GRIK5: variants seen among roughly 807,000 people sequenced by gnomAD.
The protein encoded by GRIK5 is glutamate receptor ionotropic, kainate 5.
In GRIK5, 43 loss-of-function variants were observed where a neutral mutation model predicts 97.4. The ratio of observed to expected loss-of-function variants is 0.44; its 90% CI spans 0.35 to 0.57. GRIK5 has a LOEUF of 0.57. GRIK5 is among the 20% of genes least tolerant of loss of function. The pLI, the probability that GRIK5 is intolerant of heterozygous loss-of-function variation, is 0.01. For synonymous variants in GRIK5, 580 were observed against 583.5 expected, an observed-to-expected ratio of 0.99 and a Z score of 0.09; for missense variants, 1,015 against 1,382.0, an observed-to-expected ratio of 0.73 and a Z score of 4.21.
rs2075997684 is a variant in GRIK5, at chr19:42,042,953, T to C, written c.1270-198A>G. 8 of 593,402 alleles carry C rather than the reference T, an allele frequency of 1.3e-5. No homozygotes were observed. In the East Asian group the frequency reaches 2.2e-4, roughly 17 times the overall value. 36.8% of individuals were successfully genotyped at this position (593,402 alleles called of 1,614,324 possible). ...AAGCCAGGGAAAAACACATGGGTAC[T>C]GCCAGTTCCTAGCAGATTGCAGGGA... On this transcript the variant is annotated intron_variant, in intron 11 of 19. Coordinates refer to ENST00000593562, the MANE Select transcript of GRIK5 (RefSeq NM_002088.5). This position sits in a 1 kb window ranked among gnomAD's most constrained non-coding sequence, Gnocchi z 6.9.
At chr19:42,032,240 TG>T (rs1183899884) in intron 12 of GRIK5, among the ~76,000 whole-genome samples, 1 of 152,270 alleles carries the variant, frequency 6.6e-6, no homozygotes, top group Non-Finnish European at 1.5e-5. Context: ...ATTACTACTA[TG>T]CAGCCAAGTA....
rs370492038 is a variant in GRIK5 at position 42,022,492 on chromosome 19, G to T, written c.1474-138C>A. On this transcript the variant is annotated intron_variant, in intron 12 of 19. Transcript: ENST00000593562. The surrounding 1 kb of genome is among the most constrained non-coding windows in gnomAD (Gnocchi z 4.2). ...AGGTAGGGAGGGGGAGGGGCCAGGAGCATGGACTGACTCCAGGAGCCCACC... is the reference window on the plus strand; with the variant it reads ...AGGTAGGGAGGGGGAGGGGCCAGGATCATGGACTGACTCCAGGAGCCCACC... 2.9e-5 allele frequency: 42 copies of T among 1,468,352 alleles called. No homozygotes were observed. The South Asian group carries it at 3.2e-4, about 11-fold the overall frequency. The allele number at this position is 1,468,352 out of a possible 1,614,324, so 91.0% of individuals were successfully genotyped here.
Position 42,065,119 on chromosome 19 carries a change from G to C in GRIK5, c.244+104C>G, listed in dbSNP as rs1415016547. 1 of 952,794 alleles carries C rather than the reference G, an allele frequency of 1.0e-6. No individual in the cohort carries two copies. Among genetic ancestry groups the C allele is most frequent in the Non-Finnish European group, 1.6e-6 (1 of 634,570 alleles). 59.0% of individuals were successfully genotyped at this position (952,794 alleles called of 1,614,324 possible). A position where few individuals can be genotyped will look rare whatever the true frequency, so the allele number is the denominator to read the frequency against. ...ACAAACACAAAGAAGGGGGAGGATG[G>C]AGCTAGAAGAGGACAAGGCCAGGCC... On this transcript the variant is annotated intron_variant, in intron 3 of 19. Coordinates refer to ENST00000593562, the MANE Select transcript of GRIK5 (RefSeq NM_002088.5). The surrounding 1 kb of genome is among the most constrained non-coding windows in gnomAD (Gnocchi z 5.8).
Position 42,065,621 on chromosome 19 carries a change from C to A in GRIK5, c.79+71G>T. 1 of 1,275,452 alleles carries A rather than the reference C, an allele frequency of 7.8e-7. No individual in the cohort carries two copies. The highest frequency in any genetic ancestry group is 1.1e-6 in the Non-Finnish European group (1 of 917,342). The allele number at this position is 1,275,452 out of a possible 1,614,324, so 79.0% of individuals were successfully genotyped here. Reference sequence around the variant, plus strand: ...GAGCTGAGACCTGGACCCTGACGGACTGGCATGCCTGGGTCCCCAGAGGAG... The same window carrying A: ...GAGCTGAGACCTGGACCCTGACGGAATGGCATGCCTGGGTCCCCAGAGGAG... On this transcript the variant is annotated intron_variant, in intron 2 of 19. Transcript: ENST00000593562. The surrounding 1 kb of genome is among the most constrained non-coding windows in gnomAD (Gnocchi z 5.8).
At position 42,006,737 on chromosome 19, in the gene GRIK5, C is replaced by T. The variant is rs148567057; in HGVS notation, c.1945G>A (p.Glu649Lys). The T allele has an allele frequency of 6.8e-6, 11 of 1,613,912 alleles. No individual in the cohort carries two copies. Among genetic ancestry groups the T allele is most frequent in the Non-Finnish European group, 9.3e-6 (11 of 1,179,930 alleles). Residue 649 changes from glutamate to lysine, a missense_variant, in exon 16 of 20, where the codon GAG becomes AAG. Around this residue, in one of 5 missense-constraint regions of GRIK5, gnomAD observed 477 missense variants for 701.1 expected, o/e 0.68. Transcript: ENST00000593562. This position sits in a 1 kb window ranked among gnomAD's most constrained non-coding sequence, Gnocchi z 5.3. Reference sequence around the variant, plus strand: ...TCATCGGCCGACTCCACAGGCACCTCCATGCGCTGCACGGTGAGGAAGGCG... The same window carrying T: ...TCATCGGCCGACTCCACAGGCACCTTCATGCGCTGCACGGTGAGGAAGGCG... The part of the protein sequence containing the change: ...LAAFLTVQRM[E>K]VPVESADDLA...
chr19:42,022,200 C>T lies in GRIK5; in HGVS notation c.1587+41G>A. 3 of 1,526,770 alleles carry T rather than the reference C, an allele frequency of 2.0e-6. No individual in the cohort carries two copies. Among genetic ancestry groups the T allele is most frequent in the Non-Finnish European group, 2.7e-6 (3 of 1,101,122 alleles). The allele number at this position is 1,526,770 out of a possible 1,614,324, so 94.6% of individuals were successfully genotyped here. On this transcript the variant is annotated intron_variant, in intron 13 of 19. Coordinates refer to ENST00000593562, the MANE Select transcript of GRIK5 (RefSeq NM_002088.5). The surrounding 1 kb of genome is among the most constrained non-coding windows in gnomAD (Gnocchi z 4.2). ...CTCCCACTCGCAGGCCCTGAGCCTC[C>T]ATGCCAGGCAAGCAGCCCATGGTCT...
intron 3 of GRIK5, among the ~76,000 whole-genome samples, 175 bp from the exon 4 acceptor site, chr19:42,063,030 A>G (rs2076282218): frequency 6.6e-6 from 1 of 152,194 alleles, no homozygotes; most frequent in Non-Finnish European, 1.5e-5. Context: ...ACAAGTGAAC[A>G]TGAGGGGGCA....
chr19:42,047,550 G>A (rs925749937), intron 11 of GRIK5, among the ~76,000 whole-genome samples: 1 of 152,056 alleles, frequency 6.6e-6, no homozygotes, highest in Non-Finnish European at 1.5e-5. Context: ...ACAGACAATA[G>A]AATGGAGTGT....
chr19:42,062,644 T>C lies in GRIK5; in HGVS notation c.352A>G (p.Ile118Val), dbSNP rs746972825. 3.7e-6 allele frequency: 6 copies of C among 1,614,092 alleles called. No homozygotes were observed. The South Asian group carries it at 5.5e-5, about 15-fold the overall frequency. ...GGTGTCTCCTCGGGACCCACCTTGATGTGGGGGATCTGGACAGAGAGGAAA... is the reference window on the plus strand; with the variant it reads ...GGTGTCTCCTCGGGACCCACCTTGACGTGGGGGATCTGGACAGAGAGGAAA... ...HICGEKEIPH[I>V]KVGPEETPRL... Residue 118 changes from isoleucine to valine, a missense_variant, in exon 5 of 20, where the codon ATC (isoleucine) becomes GTC (valine). By Grantham distance (29) the Ile-to-Val change is conservative (BLOSUM62 3). Around this residue, in one of 5 missense-constraint regions of GRIK5, gnomAD observed 198 missense variants for 218.2 expected, o/e 0.91. Coordinates refer to ENST00000593562, the MANE Select transcript of GRIK5 (RefSeq NM_002088.5). The surrounding 1 kb of genome is among the most constrained non-coding windows in gnomAD (Gnocchi z 5.3).
chr19:42,039,038 G>T (rs765426002), intron 12 of GRIK5, among the ~76,000 whole-genome samples: 2 of 152,132 alleles, frequency 1.3e-5, no homozygotes, highest in Non-Finnish European at 2.9e-5. Flanking sequence ...AAGCCCTGGT[G>T]CTCTTTAGCC....
Position 42,010,527 on chromosome 19 carries a change from G to A in GRIK5, c.1872-3717C>T, listed in dbSNP as rs117489154. 7.6e-3 allele frequency among the ~76,000 whole-genome samples: 1,154 copies of A among 152,268 alleles called. 12 individuals are homozygous for A. The highest frequency in any genetic ancestry group is 0.013 in the Non-Finnish European group (874 of 68,016). The stretch of plus-strand genomic sequence containing the variant: ...CCAAAGATGATGCAACATGCTGAAA[G>A]AAAAATCAAAACAAACTGTCAACCT... On this transcript the variant is annotated intron_variant, in intron 15 of 19. Transcript: ENST00000593562.
At chr19:42,001,168 A>G (rs1422840971) in intron 19 of GRIK5, among the ~76,000 whole-genome samples, 3 of 152,188 alleles carry the variant, frequency 2.0e-5, no homozygotes, top group Admixed American at 6.5e-5. Flanking sequence ...GACATTATCC[A>G]AACTGGTGAA....
Position 42,021,461 on chromosome 19 carries a change from C to A in GRIK5, c.1711G>T (p.Glu571Ter). The change falls in exon 15 of 20, where the codon GAG (glutamate) becomes TAG (stop). Residue 571 changes from glutamate (E) to a stop codon, truncating the protein, a stop_gained. Transcript: ENST00000593562. LOFTEE classifies it high-confidence loss of function. The surrounding 1 kb of genome is among the most constrained non-coding windows in gnomAD (Gnocchi z 4.2). ...AGGCATGGGTGTGGGTTATACCACT[C>A]ATAGGGGCTCAGCCTGTGGAGAGAC... ...LFLAARLSPYEWYNPHPCLRA... is the reference protein window; with the variant it reads ...LFLAARLSPY 1 of 1,574,014 alleles carries A rather than the reference C, an allele frequency of 6.4e-7. No individual in the cohort carries two copies. Among genetic ancestry groups the A allele is most frequent in the South Asian group, 1.2e-5 (1 of 86,068 alleles).
intron 12 of GRIK5, among the ~76,000 whole-genome samples, chr19:42,025,493 G>A (rs953707555): frequency 1.3e-5 from 2 of 152,034 alleles, no homozygotes; most frequent in Non-Finnish European, 2.9e-5. Context: ...TTGAACCTCT[G>A]GCCAATATGG....
At position 42,062,833 on chromosome 19, in the gene GRIK5, C is replaced by A. The variant is rs968798119; in HGVS notation, c.267G>T (p.Gly89=). The change falls in exon 4 of 20, where the codon GGG becomes GGT. Residue 89 remains glycine (G), a synonymous_variant. Transcript: ENST00000593562. This position sits in a 1 kb window ranked among gnomAD's most constrained non-coding sequence, Gnocchi z 5.3. ...TDTMCQILPK[G]VVSVLGPSSS... ...AGGAGGGCCCAAGGACAGACACAAC[C>A]CCTTTGGGTAAGATCTGACACACTG... The A allele has an allele frequency of 3.1e-6, 5 of 1,613,628 alleles. No homozygotes were observed. In the African/African-American group the frequency reaches 5.3e-5, roughly 17 times the overall value.
chr19:42,067,412 T>C (rs2076350451), intron 1 of GRIK5, among the ~76,000 whole-genome samples: 1 of 152,154 alleles, frequency 6.6e-6, no homozygotes, highest in Non-Finnish European at 1.5e-5. Context: ...TGGGAGGGTA[T>C]GCTGGACAGG....
At chr19:42,047,475 A>AAATTAAG (rs2076056800) in intron 11 of GRIK5, among the ~76,000 whole-genome samples, 1 of 152,180 alleles carries the variant, frequency 6.6e-6, no homozygotes, top group South Asian at 2.1e-4. Flanking sequence ...ACCCTGCCAA[A>AAATTAAG]TGTTAACACT....
At chr19:42,034,069 A>T (rs548503847) in intron 12 of GRIK5, among the ~76,000 whole-genome samples, 9 of 152,326 alleles carry the variant, frequency 5.9e-5, no homozygotes, top group African/African-American at 1.2e-4. Context: ...CACGATAAAA[A>T]TAACAGCCAA....
rs543341457 is a variant in GRIK5, at chr19:42,033,825, C to T, written c.1473+8727G>A. ...AGACCAGCATGGAAACAAGGCAAAA[C>T]GCCGTCTCTATTAAAAATATAAAAA... is the stretch of plus-strand genomic sequence containing the variant. On this transcript the variant is annotated intron_variant, in intron 12 of 19. Transcript: ENST00000593562. Among the ~76,000 whole-genome samples the T allele has an allele frequency of 2.6e-4, 39 of 152,162 alleles. No individual in the cohort carries two copies. The South Asian group carries it at 3.5e-3, about 14-fold the overall frequency.
Sources: gnomAD v4.1 joint callset for allele counts (sites outside exome capture counted in the v4.1 genomes callset) on GRCh38, gnomAD v4.1.1 for gene constraint, gnomAD v4.1.1 regional missense constraint, Gnocchi (gnomAD v3.1) non-coding constraint, MANE v1.5 for transcripts, NCBI Gene and HGNC (gene_info 2026-07-23, HGNC 2026-07-21) for gene names.